The following SPIDR variants were observed in gnomAD, a reference collection of about 807,000 sequenced individuals.
SPIDR encodes scaffold protein involved in DNA repair.
Under a neutral mutation model 104.6 loss-of-function variants are expected in SPIDR, and 93 were observed. The observed-to-expected ratio is 0.89, with a 90% confidence interval of 0.75 to 1.06. The LOEUF is 1.06. SPIDR is among the 50% of genes least tolerant of loss of function. The pLI, the probability that SPIDR is intolerant of heterozygous loss-of-function variation, is 0.00. For missense variants in SPIDR, 1,154 were observed against 1,111.2 expected (o/e 1.04, Z -0.55); for synonymous variants, 431 against 416.9 (o/e 1.03, Z -0.41).
chr8:47,487,557 T>A (rs953461610), intron 8 of SPIDR, among the ~76,000 whole-genome samples: 1 of 152,184 alleles, frequency 6.6e-6, no homozygotes, highest in Non-Finnish European at 1.5e-5. Context: ...TATACATTCT[T>A]CCCAGCACCA....
chr8:47,691,057 C>T (rs2078567596), intron 11 of SPIDR, among the ~76,000 whole-genome samples: 1 of 151,736 alleles, frequency 6.6e-6, no homozygotes, highest in Non-Finnish European at 1.5e-5. Flanking sequence ...TTTTGGAGGC[C>T]GAGGAGAGCA....
At chr8:47,400,688 T>C (rs1344651014) in intron 6 of SPIDR, among the ~76,000 whole-genome samples, 2 of 151,502 alleles carry the variant, frequency 1.3e-5, no homozygotes. Context: ...TTTTTTTTTT[T>C]TTTTTTAAAT....
intron 5 of SPIDR, among the ~76,000 whole-genome samples, chr8:47,296,785 T>G (rs2040922689): frequency 6.6e-6 from 1 of 152,190 alleles, no homozygotes; most frequent in Admixed American, 6.5e-5. Context: ...AAGAATGACA[T>G]TGGAATTTCG....
At chr8:47,338,210 C>T (rs1170020310) in intron 5 of SPIDR, among the ~76,000 whole-genome samples, 1 of 152,080 alleles carries the variant, frequency 6.6e-6, no homozygotes, top group Non-Finnish European at 1.5e-5. Context: ...AGATTACATT[C>T]TTGTAATGAT....
intron 10 of SPIDR, among the ~76,000 whole-genome samples, chr8:47,665,881 GAAACA>G (rs2154465762): frequency 6.6e-6 from 1 of 152,282 alleles, no homozygotes; most frequent in East Asian, 1.9e-4. Flanking sequence ...TAATTTTTGA[GAAACA>G]CCTATTAATA....
In SPIDR at chr8:47,294,087, T is replaced by C. The variant is rs995736340; in HGVS notation, c.525+57T>C. The C allele has an allele frequency of 2.3e-5, 35 of 1,548,542 alleles. No homozygotes were observed. In the Admixed American group the frequency reaches 6.7e-4, roughly 30 times the overall value. ...ACTTTATAACATTTGCTAATCATAG[T>C]TGTCATTTTTTTTTTTGTTTTTTTT... On this transcript the variant is annotated intron_variant, in intron 5 of 19. Coordinates refer to ENST00000297423, the MANE Select transcript of SPIDR (RefSeq NM_001080394.4).
chr8:47,725,022 T>G (rs1430818150), intron 16 of SPIDR, among the ~76,000 whole-genome samples: 1 of 152,066 alleles, frequency 6.6e-6, no homozygotes, highest in East Asian at 1.9e-4. Flanking sequence ...GAAAGAGGGG[T>G]GAAGTCCTAT....
intron 5 of SPIDR, among the ~76,000 whole-genome samples, chr8:47,297,990 G>C (rs1257930462): frequency 6.6e-6 from 1 of 152,158 alleles, no homozygotes; most frequent in Admixed American, 6.5e-5. Context: ...GGATGGCTGG[G>C]TCAAATGGTA....
chr8:47,369,916 T>C (rs2057756835), intron 5 of SPIDR, among the ~76,000 whole-genome samples: 1 of 152,212 alleles, frequency 6.6e-6, no homozygotes, highest in Non-Finnish European at 1.5e-5. Flanking sequence ...GATTTTTTTT[T>C]GTTTTTTAAG....
chr8:47,555,330 T>C (rs2091190012), intron 8 of SPIDR, among the ~76,000 whole-genome samples: 2 of 152,170 alleles, frequency 1.3e-5, no homozygotes, highest in African/African-American at 4.8e-5. Context: ...AGTATGTATC[T>C]CTTGGTGCCT....
At chr8:47,700,043 C>T (rs1015484429) in intron 11 of SPIDR, among the ~76,000 whole-genome samples, 2 of 151,940 alleles carry the variant, frequency 1.3e-5, no homozygotes, top group African/African-American at 4.8e-5. Context: ...CACATACATA[C>T]ACACACACAC....
At chr8:47,608,817 G>A (rs1231717801) in intron 10 of SPIDR, among the ~76,000 whole-genome samples, 3 of 152,218 alleles carry the variant, frequency 2.0e-5, no homozygotes. Context: ...TCGGCCTCCT[G>A]GTTCCAGGCG....
At chr8:47,422,947 T>C (rs2065801597) in intron 7 of SPIDR, among the ~76,000 whole-genome samples, 1 of 152,126 alleles carries the variant, frequency 6.6e-6, no homozygotes, top group Non-Finnish European at 1.5e-5. Context: ...TACATTTCAG[T>C]ATAAAAGACA....
intron 8 of SPIDR, among the ~76,000 whole-genome samples, chr8:47,502,365 T>G (rs947251824): frequency 3.4e-4 from 52 of 152,334 alleles, no homozygotes; most frequent in African/African-American, 1.2e-3. Flanking sequence ...TGGTTTAGTC[T>G]TGGGAGGGTG....
chr8:47,627,720 A>C (rs1202953615), intron 10 of SPIDR, among the ~76,000 whole-genome samples: 2 of 151,718 alleles, frequency 1.3e-5, no homozygotes, highest in East Asian at 3.9e-4. Context: ...ATCGGTGCTC[A>C]GCGAGTCCCC....
intron 8 of SPIDR, chr8:47,592,195 G>A: frequency 7.3e-7 from 1 of 1,376,766 alleles, no homozygotes; most frequent in Non-Finnish European, 1.0e-6. Flanking sequence ...CTGTTTCTAT[G>A]GCTTGGGCTT....
At chr8:47,584,608 C>A (rs1028405348) in intron 8 of SPIDR, among the ~76,000 whole-genome samples, 1 of 152,156 alleles carries the variant, frequency 6.6e-6, no homozygotes, top group Non-Finnish European at 1.5e-5. Context: ...ATACATAGTT[C>A]TAATATTGGT....
intron 5 of SPIDR, among the ~76,000 whole-genome samples, chr8:47,323,828 A>T (rs1449779666): frequency 6.6e-6 from 1 of 152,158 alleles, no homozygotes; most frequent in Non-Finnish European, 1.5e-5. Context: ...CTGAGTGACT[A>T]CAGAACCCAT....
intron 8 of SPIDR, chr8:47,510,970 C>T: frequency 1.5e-6 from 1 of 649,240 alleles, no homozygotes; most frequent in South Asian, 1.8e-5. Context: ...GGATGATCCC[C>T]ATGGGGCATG....
Sources: gnomAD v4.1 joint callset for allele counts (sites outside exome capture counted in the v4.1 genomes callset) on GRCh38, gnomAD v4.1.1 for gene constraint, MANE v1.5 for transcripts, NCBI Gene and HGNC (gene_info 2026-07-23, HGNC 2026-07-21) for gene names.